The following CAST variants were observed in gnomAD, a reference collection of about 807,000 sequenced individuals.
CAST encodes the protein MIR583 host.
CAST carries 76 observed loss-of-function variants against 119.6 expected under a neutral mutation model. That is an observed-to-expected ratio of 0.64 (90% CI 0.53 to 0.77). CAST has a LOEUF of 0.77. Among genes scored for constraint, CAST ranks in the 30% least tolerant of loss-of-function variants. CAST has a pLI of 0.00. For synonymous variants in CAST, 319 were observed against 331.6 expected, an observed-to-expected ratio of 0.96 and a Z score of 0.41; for missense variants, 953 against 946.5, an observed-to-expected ratio of 1.01 and a Z score of -0.09.
chr5:96,432,123 G>A, the CAST span: 2 of 1,535,706 alleles, frequency 1.3e-6, no homozygotes, highest in Middle Eastern at 1.7e-4. Context: ...CTTCCCCATA[G>A]TCAGTTCGGC....
rs116511695 is a variant in CAST, at chr5:96,698,911, G to A, written c.210+3004G>A. 4.7e-3 allele frequency among the ~76,000 whole-genome samples: 715 copies of A among 152,270 alleles called. 9 individuals carry two copies. Among genetic ancestry groups the A allele is most frequent in the African/African-American group, 0.017 (695 of 41,546 alleles). On this transcript the variant is annotated intron_variant, in intron 3 of 31. Coordinates refer to ENST00000675179, the MANE Select transcript of CAST (RefSeq NM_001750.7). ...TAAGTACTTAATTTGAAGCATATGT[G>A]TAAGCTATGTATTAGAGAATGGTTT...
the CAST span, among the ~76,000 whole-genome samples, chr5:96,497,580 G>A: frequency 6.6e-6 from 1 of 152,098 alleles, no homozygotes; most frequent in South Asian, 2.1e-4. Context: ...GTATCTCATT[G>A]TGGTTTTGAT....
upstream of CAST, among the ~76,000 whole-genome samples, chr5:96,660,456 C>T (rs1303630305): frequency 6.6e-6 from 1 of 152,214 alleles, no homozygotes; most frequent in Non-Finnish European, 1.5e-5. Context: ...TCTACTAGTC[C>T]TTTCACAATG....
chr5:96,439,170 G>A, the CAST span, among the ~76,000 whole-genome samples: 3 of 152,272 alleles, frequency 2.0e-5, no homozygotes, highest in Admixed American at 2.0e-4. Flanking sequence ...AAGACACTTA[G>A]AGTGTATCTA....
At chr5:96,297,722 C>T in the CAST span, among the ~76,000 whole-genome samples, 1 of 152,040 alleles carries the variant, frequency 6.6e-6, no homozygotes, top group Non-Finnish European at 1.5e-5. Context: ...TTTTTGTTTG[C>T]TTTTATTCTT....
chr5:96,420,689 ATC>A, the CAST span, among the ~76,000 whole-genome samples: 2 of 145,644 alleles, frequency 1.4e-5, no homozygotes, highest in Admixed American at 1.4e-4. Flanking sequence ...ATAACTTTAG[ATC>A]AGTATTACTG....
In CAST at chr5:96,541,862, C is replaced by T. The variant is rs772412874; in HGVS notation, c.60+11982C>T. Among the ~76,000 whole-genome samples, 37 of 152,212 alleles carry T rather than the reference C, an allele frequency of 2.4e-4. 1 individual carries two copies. Among genetic ancestry groups the T allele is most frequent in the South Asian group, 2.1e-3 (10 of 4,820 alleles). The stretch of plus-strand genomic sequence containing the variant: ...ATGCATATACCAGAGTTTATCTGCT[C>T]ATCTATAGAAGAACATCTTGGTTGC... On this transcript the variant is annotated intron_variant, in intron 1 of 11. Coordinates refer to the CAST transcript ENST00000505143.
At chr5:96,730,647 A>G in intron 8 of CAST, 133 bp from the exon 9 acceptor site, 1 of 686,798 alleles carries the variant, frequency 1.5e-6, no homozygotes, top group Non-Finnish European at 2.6e-6. Flanking sequence ...GTACAATAGA[A>G]GTGAGCAAAC....
the CAST span, among the ~76,000 whole-genome samples, chr5:96,108,937 T>C: frequency 1.3e-5 from 2 of 152,272 alleles, no homozygotes; most frequent in Non-Finnish European, 2.9e-5. Flanking sequence ...TGCACCGTTT[T>C]TTAAGCCCAT....
intron 1 of CAST, among the ~76,000 whole-genome samples, chr5:96,577,376 T>G (rs1259393096): frequency 2.6e-5 from 4 of 152,148 alleles, no homozygotes; most frequent in Non-Finnish European, 5.9e-5. Context: ...GCTTTAAATT[T>G]TATTTAATTC....
At chr5:96,723,573 T>C (rs1444261455) in intron 4 of CAST, among the ~76,000 whole-genome samples, 71 of 152,290 alleles carry the variant, frequency 4.7e-4, no homozygotes, top group Non-Finnish European at 1.0e-4. Flanking sequence ...AAATTATTTT[T>C]TTGAATTTCA....
At chr5:96,464,167 T>G in the CAST span, among the ~76,000 whole-genome samples, 1 of 152,028 alleles carries the variant, frequency 6.6e-6, no homozygotes, top group East Asian at 1.9e-4. Flanking sequence ...GTGAACACAC[T>G]TTTACTGACA....
chr5:96,398,148 C>T, the CAST span, among the ~76,000 whole-genome samples: 1 of 152,110 alleles, frequency 6.6e-6, no homozygotes, highest in Admixed American at 6.6e-5. Flanking sequence ...TCCAATACAT[C>T]TAGAAAGCAT....
the CAST span, among the ~76,000 whole-genome samples, chr5:96,409,087 C>A: frequency 6.6e-6 from 1 of 152,188 alleles, no homozygotes; most frequent in African/African-American, 2.4e-5. Context: ...ACATAATTTT[C>A]TTGCAAGTAA....
At chr5:96,190,460 G>A in the CAST span, among the ~76,000 whole-genome samples, 1 of 152,104 alleles carries the variant, frequency 6.6e-6, no homozygotes, top group African/African-American at 2.4e-5. Flanking sequence ...TCCCACTGGG[G>A]AATTAGGCGC....
At chr5:96,217,262 T>C in the CAST span, among the ~76,000 whole-genome samples, 1 of 144,014 alleles carries the variant, frequency 6.9e-6, no homozygotes, top group African/African-American at 2.6e-5. Flanking sequence ...GCTGGTCCTA[T>C]ACTTCTGGCT....
chr5:96,478,125 A>G, the CAST span, among the ~76,000 whole-genome samples: 8 of 152,134 alleles, frequency 5.3e-5, no homozygotes, highest in Non-Finnish European at 1.0e-4. Context: ...AAAGCTCGCA[A>G]TTTTCACGAT....
chr5:96,511,588 C>T, the CAST span, among the ~76,000 whole-genome samples: 1 of 152,210 alleles, frequency 6.6e-6, no homozygotes, highest in Non-Finnish European at 1.5e-5. Flanking sequence ...GCAGGAACTT[C>T]TAGATCCCAA....
chr5:96,068,668 A>T, the CAST span, among the ~76,000 whole-genome samples: 5 of 148,112 alleles, frequency 3.4e-5, no homozygotes. Flanking sequence ...TTAATTTTTA[A>T]TTGTTCATGT....
Sources: gnomAD v4.1 joint callset for allele counts (sites outside exome capture counted in the v4.1 genomes callset) on GRCh38, gnomAD v4.1.1 for gene constraint, MANE v1.5 for transcripts, NCBI Gene and HGNC (gene_info 2026-07-23, HGNC 2026-07-21) for gene names.